Variants in LMBRD1 observed in about 807,000 individuals in gnomAD.
The protein encoded by LMBRD1 is lysosomal cobalamin transport escort protein LMBD1.
In LMBRD1, 64 loss-of-function variants were observed where a neutral mutation model predicts 74.8. The observed-to-expected ratio is 0.86, with a 90% confidence interval of 0.70 to 1.05. The LOEUF (loss-of-function observed/expected upper bound fraction) is 1.05. Ranked by LOEUF, LMBRD1 falls within the 50% of genes least tolerant of loss-of-function variation. LMBRD1 has a pLI of 0.00. For synonymous variants in LMBRD1, 204 were observed against 216.3 expected (o/e 0.94, Z 0.50); for missense variants, 652 against 645.9 (o/e 1.01, Z -0.10).
chr6:69,712,604 CATT>C (rs1162206260), intron 9 of LMBRD1, among the ~76,000 whole-genome samples: 1 of 151,932 alleles, frequency 6.6e-6, no homozygotes, highest in Non-Finnish European at 1.5e-5. Flanking sequence ...GCCTGAAAGA[CATT>C]ATGCTAAGTG....
intron 2 of LMBRD1, among the ~76,000 whole-genome samples, chr6:69,788,335 T>A (rs1294293279): frequency 6.6e-6 from 1 of 152,076 alleles, no homozygotes; most frequent in Non-Finnish European, 1.5e-5. Context: ...TACATATATA[T>A]CATTATCTAT....
chr6:69,773,825 C>T (rs1055277303), intron 3 of LMBRD1, among the ~76,000 whole-genome samples: 3 of 152,178 alleles, frequency 2.0e-5, no homozygotes, highest in Admixed American at 1.3e-4. Flanking sequence ...TTTTCATCAA[C>T]ACTAGCATGG....
rs1356146443 is a variant in LMBRD1, at chr6:69,674,598, G to A, written c.*1560C>T. On this transcript the variant is annotated 3_prime_UTR_variant, in exon 16 of 16. Coordinates refer to ENST00000649934, the MANE Select transcript of LMBRD1 (RefSeq NM_018368.4). ...GTTACAGTTGAAGCAGTAATTTCTA[G>A]CTAAAAGATAACTCAAAGTTCAGAG... Among the ~76,000 whole-genome samples the A allele has an allele frequency of 1.3e-5, 2 of 152,196 alleles. No individual in the cohort carries two copies. The highest frequency in any genetic ancestry group is 3.8e-4 in the East Asian group (2 of 5,196).
At chr6:69,753,573 T>G (rs7763838) in intron 3 of LMBRD1, among the ~76,000 whole-genome samples, 3 of 152,292 alleles carry the variant, frequency 2.0e-5, no homozygotes, top group African/African-American at 7.2e-5. Context: ...ATCCAGCAAT[T>G]CTACTTCCAG....
At chr6:69,756,118 T>C (rs1052231865) in intron 3 of LMBRD1, among the ~76,000 whole-genome samples, 14 of 152,126 alleles carry the variant, frequency 9.2e-5, no homozygotes, top group African/African-American at 3.4e-4. Context: ...CTCCGCACTT[T>C]GGGAAGCCGA....
intron 13 of LMBRD1, 22 bp from the exon 14 acceptor site, chr6:69,697,663 A>G (rs1305866131): frequency 4.3e-6 from 6 of 1,394,866 alleles, no homozygotes; most frequent in Admixed American, 3.4e-5. Context: ...AAATACAGTT[A>G]AAATATAAAA....
rs1350264145 is a variant in LMBRD1 at position 69,676,189 on chromosome 6, C to T, written c.1592G>A (p.Ser531Asn). ...IEGVDEDSDI[S>N]DDEPSVYSA ...AGAATAGACAGAGGGCTCATCATCA[C>T]TTATGTCTGAATCTTCATCTACTCC... Residue 531 changes from serine to asparagine, a missense_variant, in exon 16 of 16, where the codon AGT becomes AAT. Around this residue, in one of 3 missense-constraint regions of LMBRD1, gnomAD observed 51 missense variants for 46.9 expected, o/e 1.09. Coordinates refer to ENST00000649934, the MANE Select transcript of LMBRD1 (RefSeq NM_018368.4). 2.5e-6 allele frequency: 4 copies of T among 1,613,274 alleles called. No homozygotes were observed. Among genetic ancestry groups the T allele is most frequent in the Non-Finnish European group, 3.4e-6 (4 of 1,179,600 alleles).
At chr6:69,692,471 G>A (rs1246914196) in intron 14 of LMBRD1, among the ~76,000 whole-genome samples, 1 of 151,976 alleles carries the variant, frequency 6.6e-6, no homozygotes, top group Non-Finnish European at 1.5e-5. Context: ...AAAAATTTAG[G>A]TTAATGAATT....
chr6:69,782,325 A>G (rs1371230821), intron 2 of LMBRD1, among the ~76,000 whole-genome samples: 1 of 152,236 alleles, frequency 6.6e-6, no homozygotes, highest in African/African-American at 2.4e-5. Flanking sequence ...TTGGACTAAG[A>G]GACCCAAAGT....
At chr6:69,732,102 T>C (rs1766871425) in intron 7 of LMBRD1, among the ~76,000 whole-genome samples, 1 of 152,106 alleles carries the variant, frequency 6.6e-6, no homozygotes, top group South Asian at 2.1e-4. Flanking sequence ...GGCTGAGAAA[T>C]TTGACTTTTA....
intron 4 of LMBRD1, among the ~76,000 whole-genome samples, chr6:69,751,674 G>A (rs1026965570): frequency 2.0e-5 from 3 of 152,312 alleles, no homozygotes; most frequent in Admixed American, 1.3e-4. Context: ...CAACCTACAA[G>A]TGCTCCTTCT....
chr6:69,738,599 TACACACACACAC>T (rs3217690), intron 6 of LMBRD1, among the ~76,000 whole-genome samples: 1 of 145,224 alleles, frequency 6.9e-6, no homozygotes, highest in Non-Finnish European at 1.5e-5. Flanking sequence ...GGTTTAAAAA[TACACACACACAC>T]ACACACACAC....
intron 14 of LMBRD1, 134 bp from the exon 15 acceptor site, chr6:69,676,675 G>T: frequency 1.3e-6 from 1 of 751,546 alleles, no homozygotes; most frequent in Non-Finnish European, 2.3e-6. Flanking sequence ...AGATGGTACT[G>T]AAACTTAGGT....
chr6:69,704,999 C>T (rs573379810), intron 9 of LMBRD1, among the ~76,000 whole-genome samples: 2 of 150,044 alleles, frequency 1.3e-5, no homozygotes, highest in Non-Finnish European at 3.0e-5. Flanking sequence ...TTTTATTTCA[C>T]ATGCATATTT....
At position 69,720,173 on chromosome 6, in the gene LMBRD1, CT is replaced by C. The variant is rs201490844; in HGVS notation, c.637-1093del. On this transcript the variant is annotated intron_variant, in intron 7 of 15. Transcript: ENST00000649934. ...CAAAGCATAAATTCTAACAAATCAGCTTTTTTTTTAATTAAGGGAGAAGAAC... is the reference window on the plus strand; with the variant it reads ...CAAAGCATAAATTCTAACAAATCAGCTTTTTTTTAATTAAGGGAGAAGAAC... Among the ~76,000 whole-genome samples, 726 of 150,908 alleles carry C rather than the reference CT, an allele frequency of 4.8e-3. 7 individuals are homozygous for C. The highest frequency in any genetic ancestry group is 0.017 in the Middle Eastern group (5 of 292).
intron 8 of LMBRD1, among the ~76,000 whole-genome samples, chr6:69,718,303 AACG>A (rs1368023832): frequency 1.3e-5 from 2 of 151,582 alleles, no homozygotes; most frequent in African/African-American, 4.8e-5. Context: ...TAATATTATA[AACG>A]ACGATACCTG....
chr6:69,685,801 A>G (rs1290348016), intron 14 of LMBRD1, among the ~76,000 whole-genome samples: 1 of 152,138 alleles, frequency 6.6e-6, no homozygotes, highest in Admixed American at 6.5e-5. Flanking sequence ...CTCCGTCTCA[A>G]AAACAAACAA....
intron 2 of LMBRD1, among the ~76,000 whole-genome samples, chr6:69,784,722 A>G (rs1267151653): frequency 2.0e-5 from 3 of 152,178 alleles, no homozygotes; most frequent in Non-Finnish European, 2.9e-5. Flanking sequence ...ATTTGTATCC[A>G]AATTCTAGAC....
chr6:69,678,428 T>C (rs1765592155), intron 14 of LMBRD1, among the ~76,000 whole-genome samples: 1 of 151,884 alleles, frequency 6.6e-6, no homozygotes, highest in Non-Finnish European at 1.5e-5. Context: ...CTGAAACTTT[T>C]ATTGAAAAAA....
Sources: gnomAD v4.1 joint callset for allele counts (sites outside exome capture counted in the v4.1 genomes callset) on GRCh38, gnomAD v4.1.1 for gene constraint, gnomAD v4.1.1 regional missense constraint, MANE v1.5 for transcripts, NCBI Gene and HGNC (gene_info 2026-07-23, HGNC 2026-07-21) for gene names.